Variants in NECTIN1 observed in about 807,000 individuals in gnomAD.
NECTIN1 encodes the protein nectin cell adhesion molecule 1.
In NECTIN1, 23 loss-of-function variants were observed where a neutral mutation model predicts 48.0. The observed-to-expected ratio is 0.48, with a 90% CI of 0.34 to 0.68. The LOEUF (loss-of-function observed/expected upper bound fraction) is 0.68, where lower values mean the gene tolerates loss of function less well. Ranked by LOEUF, NECTIN1 falls within the 30% of genes least tolerant of loss-of-function variation. The probability of loss-of-function intolerance (pLI) is 0.01; values close to 1 mark genes in which losing one functional copy is unlikely to be tolerated. For missense variants in NECTIN1, 591 were observed against 709.9 expected (o/e 0.83, Z 1.90); for synonymous variants, 270 against 288.9 (o/e 0.93, Z 0.66).
rs1446393226 is a variant in NECTIN1, at chr11:119,714,552, CA to C, written c.79+13922del. Among the ~76,000 whole-genome samples, 5 of 152,260 alleles carry C rather than the reference CA, an allele frequency of 3.3e-5. No individual in the cohort carries two copies. The East Asian group carries it at 7.7e-4, about 24-fold the overall frequency. On this transcript the variant is annotated intron_variant, in intron 1 of 5. Transcript: ENST00000264025. ...CCACCGCAGGGTGAACTGATGCAGG[CA>C]GAGGGGAATGCTCCACATCCCCGCT...
At chr11:119,682,081 A>T (rs1865069107) in intron 1 of NECTIN1, among the ~76,000 whole-genome samples, 1 of 152,118 alleles carries the variant, frequency 6.6e-6, no homozygotes, top group Non-Finnish European at 1.5e-5. Context: ...AGACTTAGGG[A>T]CCGGGAACCC....
intron 4 of NECTIN1, 152 bp from the exon 5 acceptor site, chr11:119,675,462 T>A: frequency 1.4e-6 from 1 of 692,788 alleles, no homozygotes; most frequent in Non-Finnish European, 2.5e-6. Context: ...ATAATAATAA[T>A]CTCTTTCACT....
At chr11:119,725,816 A>G (rs553338338) in intron 1 of NECTIN1, among the ~76,000 whole-genome samples, 2 of 152,222 alleles carry the variant, frequency 1.3e-5, no homozygotes, top group East Asian at 3.9e-4. Context: ...GGGGAAGCCA[A>G]TTAGGGAGGG....
At chr11:119,676,784 G>T in intron 4 of NECTIN1, 1 of 410,600 alleles carries the variant, frequency 2.4e-6, no homozygotes, top group Non-Finnish European at 4.6e-6. Context: ...GGGGGGTTGG[G>T]GTGGGAGTGA....
chr11:119,674,451 A>G (rs1342013745), intron 5 of NECTIN1: 43 of 1,595,082 alleles, frequency 2.7e-5, no homozygotes, highest in Non-Finnish European at 3.7e-5. Flanking sequence ...CTTGACTTAC[A>G]TCACGTAGAA....
rs908923186 is a variant in NECTIN1 at position 119,661,321 on chromosome 11, G to A, written c.*3426C>T. The stretch of plus-strand genomic sequence containing the variant: ...AGCAGCAGCACCGAGTGGGACAGGG[G>A]CTCCTCCTGGCCTCACAAGCTGGGC... On this transcript the variant is annotated 3_prime_UTR_variant, in exon 6 of 6. Coordinates refer to ENST00000264025, the MANE Select transcript of NECTIN1 (RefSeq NM_002855.5). The A allele has an allele frequency of 1.0e-5, 10 of 986,020 alleles. No individual in the cohort carries two copies. Among genetic ancestry groups the A allele is most frequent in the Non-Finnish European group, 9.6e-6 (8 of 830,142 alleles). The allele number at this position is 986,020 out of a possible 1,614,324, so 61.1% of individuals were successfully genotyped here. A position where few individuals can be genotyped will look rare whatever the true frequency, so the allele number is the denominator to read the frequency against.
In NECTIN1 at chr11:119,713,769, A is replaced by AC. The variant is rs1309435761; in HGVS notation, c.79+14705dup. The AC allele has an allele frequency of 1.7e-4, 77 of 445,594 alleles. No individual in the cohort carries two copies. In the East Asian group the frequency reaches 2.9e-3, roughly 17 times the overall value. 27.6% of individuals were successfully genotyped at this position (445,594 alleles called of 1,614,324 possible). ...CCCAGTCTTCACTTCTCACCTCCTC[A>AC]CCCCCCGCCCTCTGGAGGGCAGCTC... On this transcript the variant is annotated intron_variant, in intron 1 of 5. Transcript: ENST00000264025.
At chr11:119,655,021 G>A (rs534038564) in intron 5 of NECTIN1, among the ~76,000 whole-genome samples, 5 of 150,838 alleles carry the variant, frequency 3.3e-5, no homozygotes, top group South Asian at 2.1e-4. Context: ...GCGATTCTCC[G>A]GCCTCAGCCT....
chr11:119,642,445 G>A (rs1234711248), intron 5 of NECTIN1: 3 of 153,080 alleles, frequency 2.0e-5, no homozygotes, highest in African/African-American at 4.8e-5. Context: ...CATGGAATCC[G>A]AACAGGAGGA....
In NECTIN1 at chr11:119,663,173, T is replaced by C. The variant is rs1335251584; in HGVS notation, c.*1574A>G. 2 of 985,302 alleles carry C rather than the reference T, an allele frequency of 2.0e-6. No individual in the cohort carries two copies. The highest frequency in any genetic ancestry group is 6.1e-5 in the Admixed American group (1 of 16,262). 61.0% of individuals were successfully genotyped at this position (985,302 alleles called of 1,614,324 possible). On this transcript the variant is annotated 3_prime_UTR_variant, in exon 6 of 6. Coordinates refer to ENST00000264025, the MANE Select transcript of NECTIN1 (RefSeq NM_002855.5). ...TGGGGTGAGTTAACTGGAATCCCAGTGGGCAGGCATGAAGGGCCGCGAAGC... is the reference window on the plus strand; with the variant it reads ...TGGGGTGAGTTAACTGGAATCCCAGCGGGCAGGCATGAAGGGCCGCGAAGC...
chr11:119,702,456 C>G (rs1435417128), intron 1 of NECTIN1, among the ~76,000 whole-genome samples: 1 of 152,260 alleles, frequency 6.6e-6, no homozygotes, highest in Non-Finnish European at 1.5e-5. Context: ...CTGAGGCCAT[C>G]TGTGTACTGC....
chr11:119,686,748 T>C (rs1018678206), intron 1 of NECTIN1, among the ~76,000 whole-genome samples: 1 of 152,154 alleles, frequency 6.6e-6, no homozygotes, highest in Admixed American at 6.5e-5. Flanking sequence ...CACCTTAGAG[T>C]TGACTTTCAA....
intron 6 of NECTIN1, among the ~76,000 whole-genome samples, chr11:119,639,240 C>T (rs1864285470): frequency 6.6e-6 from 1 of 152,142 alleles, no homozygotes. Context: ...ACGTAAAAAT[C>T]CGTGATGAAC....
chr11:119,655,546 C>A (rs955720010), intron 5 of NECTIN1, among the ~76,000 whole-genome samples: 2 of 152,206 alleles, frequency 1.3e-5, no homozygotes, highest in Admixed American at 1.3e-4. Context: ...GTTTGCCCGA[C>A]TCTGAAGCCC....
intron 1 of NECTIN1, among the ~76,000 whole-genome samples, chr11:119,697,306 A>G (rs1465980075): frequency 2.0e-5 from 3 of 151,952 alleles, no homozygotes; most frequent in Non-Finnish European, 1.5e-5. Flanking sequence ...TATTTTTTGC[A>G]CAATTGGCCC....
intron 1 of NECTIN1, among the ~76,000 whole-genome samples, chr11:119,720,525 G>A (rs1591489555): frequency 6.6e-6 from 1 of 152,286 alleles, no homozygotes; most frequent in Non-Finnish European, 1.5e-5. Context: ...CCCCATGGGA[G>A]CACCCCGCGT....
intron 1 of NECTIN1, among the ~76,000 whole-genome samples, chr11:119,699,298 A>G (rs1865396919): frequency 6.6e-6 from 1 of 152,186 alleles, no homozygotes; most frequent in Non-Finnish European, 1.5e-5. Context: ...GACTTTTCCC[A>G]GTCTCCTCCC....
intron 5 of NECTIN1, chr11:119,640,805 AT>A (rs1864311231): frequency 1.3e-5 from 2 of 152,124 alleles, no homozygotes; most frequent in Admixed American, 1.3e-4. Flanking sequence ...GCTGGGCTCG[AT>A]TTCTCACCTC....
At chr11:119,706,114 G>A (rs1158007324) in intron 1 of NECTIN1, among the ~76,000 whole-genome samples, 4 of 152,152 alleles carry the variant, frequency 2.6e-5, no homozygotes, top group Non-Finnish European at 4.4e-5. Flanking sequence ...CCAGGCCCTC[G>A]CTCCTCTCTT....
Sources: gnomAD v4.1 joint callset for allele counts (sites outside exome capture counted in the v4.1 genomes callset) on GRCh38, gnomAD v4.1.1 for gene constraint, MANE v1.5 for transcripts, NCBI Gene and HGNC (gene_info 2026-07-23, HGNC 2026-07-21) for gene names.